GOLIM4: variants seen among roughly 807,000 people sequenced by gnomAD.
GOLIM4 encodes the protein golgi integral membrane protein 4, also known as 130 kDa golgi-localized phosphoprotein.
Under a neutral mutation model 107.4 loss-of-function variants are expected in GOLIM4, and 71 were observed. The ratio of observed to expected loss-of-function variants is 0.66; its 90% CI spans 0.55 to 0.81. The LOEUF (loss-of-function observed/expected upper bound fraction) is 0.81, where lower values mean the gene tolerates loss of function less well. Ranked by LOEUF, GOLIM4 falls within the 30% of genes least tolerant of loss-of-function variation. The probability of loss-of-function intolerance (pLI) is 0.00; values close to 1 mark genes in which losing one functional copy is unlikely to be tolerated. For missense variants in GOLIM4, 830 were observed against 826.1 expected (o/e 1.00, Z -0.06); for synonymous variants, 327 against 294.8 (o/e 1.11, Z -1.12).
intron 1 of GOLIM4, among the ~76,000 whole-genome samples, chr3:168,083,113 C>T (rs1046146467): frequency 2.6e-5 from 4 of 152,100 alleles, no homozygotes; most frequent in Admixed American, 6.6e-5. Flanking sequence ...CTTTTCATAA[C>T]GTATTCTTAT....
chr3:168,072,796 CAAAT>C (rs1363549458), intron 1 of GOLIM4, among the ~76,000 whole-genome samples: 2 of 151,916 alleles, frequency 1.3e-5, no homozygotes, highest in Non-Finnish European at 2.9e-5. Flanking sequence ...CTAACAACAG[CAAAT>C]AATACTATAA....
At chr3:168,057,047 G>T (rs1720011815) in intron 1 of GOLIM4, among the ~76,000 whole-genome samples, 1 of 152,146 alleles carries the variant, frequency 6.6e-6, no homozygotes, top group Non-Finnish European at 1.5e-5. Flanking sequence ...GTTGAGGGGG[G>T]GACCCGGTGG....
At chr3:168,015,877 T>C (rs1717335881) in intron 14 of GOLIM4, among the ~76,000 whole-genome samples, 1 of 133,216 alleles carries the variant, frequency 7.5e-6, no homozygotes, top group East Asian at 2.0e-4. Flanking sequence ...TTACACCTTA[T>C]ACAAAAATCA....
Position 168,032,603 on chromosome 3 carries a change from G to A in GOLIM4, c.1093C>T (p.Pro365Ser), listed in dbSNP as rs1344331029. The change falls in exon 9 of 16, where the codon CCA becomes TCA. Residue 365 changes from proline to serine, a missense_variant. Physicochemically the swap from Pro to Ser is moderately conservative, Grantham distance 74. Coordinates refer to ENST00000470487, the MANE Select transcript of GOLIM4 (RefSeq NM_014498.5). ...TTCCACTCCCGATCCTGCTCCTCTG[G>A]TGATGGATCGTGTTCCTCCTCAAGA... ...EHLEEEHDPSPEEQDREWKEQ... is the reference protein window; with the variant it reads ...EHLEEEHDPSSEEQDREWKEQ... 3.1e-6 allele frequency: 5 copies of A among 1,613,904 alleles called. No homozygotes were observed. The highest frequency in any genetic ancestry group is 2.2e-5 in the East Asian group (1 of 44,862).
At position 168,077,132 on chromosome 3, in the gene GOLIM4, CTTT is replaced by C. The variant is rs1390445232; in HGVS notation, c.187+17964_187+17966del. 2.6e-5 allele frequency among the ~76,000 whole-genome samples: 4 copies of C among 152,274 alleles called. No homozygotes were observed. In the East Asian group the frequency reaches 5.8e-4, roughly 22 times the overall value. On this transcript the variant is annotated intron_variant, in intron 1 of 15. Transcript: ENST00000470487. ...ATTCTTCAAATAAGGAAGTTTTCTT[CTTT>C]TATTTCACACTGTACCTATTTTGAA...
intron 1 of GOLIM4, among the ~76,000 whole-genome samples, chr3:168,049,753 C>G (rs1389031155): frequency 1.3e-5 from 2 of 152,150 alleles, no homozygotes; most frequent in African/African-American, 2.4e-5. Context: ...TTCCCTGCCT[C>G]TCTTCTTGCC....
chr3:168,092,488 T>G (rs1418607428), intron 1 of GOLIM4, among the ~76,000 whole-genome samples: 3 of 152,200 alleles, frequency 2.0e-5, no homozygotes, highest in African/African-American at 7.2e-5. Flanking sequence ...ATTCTTAAAC[T>G]GAAGGTGACC....
Position 168,032,855 on chromosome 3 carries a change from A to G in GOLIM4, c.844-3T>C. 1 of 1,601,360 alleles carries G rather than the reference A, an allele frequency of 6.2e-7. No individual in the cohort carries two copies. Among genetic ancestry groups the G allele is most frequent in the Non-Finnish European group, 8.5e-7 (1 of 1,170,638 alleles). On this transcript the variant is annotated splice_polypyrimidine_tract_variant and splice_region_variant and intron_variant, in intron 8 of 15. Transcript: ENST00000470487. ...CACACATCATTATTTCGAGACACCT[A>G]GGCCAAGCACATCACTGGGAATGAC...
chr3:168,048,475 A>T, intron 1 of GOLIM4, 110 bp from the exon 2 acceptor site: 1 of 612,520 alleles, frequency 1.6e-6, no homozygotes, highest in Non-Finnish European at 2.9e-6. Flanking sequence ...TACACAATTT[A>T]AATAAAAACA....
intron 10 of GOLIM4, 46 bp from the exon 11 acceptor site, chr3:168,029,348 A>G: frequency 8.2e-7 from 1 of 1,226,258 alleles, no homozygotes; most frequent in South Asian, 1.3e-5. Context: ...CAAAATTCAG[A>G]GGCACAGTTT....
intron 1 of GOLIM4, among the ~76,000 whole-genome samples, chr3:168,073,710 T>G: frequency 6.6e-6 from 1 of 152,208 alleles, no homozygotes; most frequent in East Asian, 1.9e-4. Context: ...ACTATTATCA[T>G]TTTTCTGCTT....
chr3:168,083,335 C>G (rs753883624), intron 1 of GOLIM4, among the ~76,000 whole-genome samples: 8 of 152,140 alleles, frequency 5.3e-5, no homozygotes. Flanking sequence ...TCTATAAAGT[C>G]AAAAGAACAT....
At chr3:168,079,638 C>T (rs562372729) in intron 1 of GOLIM4, among the ~76,000 whole-genome samples, 1 of 151,780 alleles carries the variant, frequency 6.6e-6, no homozygotes, top group African/African-American at 2.4e-5. Context: ...ATACACATGC[C>T]CAATACTTTG....
In GOLIM4 at chr3:168,041,230, A is replaced by T. The variant is rs182788479; in HGVS notation, c.600+162T>A. The T allele has an allele frequency of 3.9e-5, 22 of 558,886 alleles. No individual in the cohort carries two copies. The East Asian group carries it at 6.0e-4, about 15-fold the overall frequency. 34.6% of individuals were successfully genotyped at this position (558,886 alleles called of 1,614,324 possible). On this transcript the variant is annotated intron_variant, in intron 6 of 15. Coordinates refer to ENST00000470487, the MANE Select transcript of GOLIM4 (RefSeq NM_014498.5). ...TTTTCAGACCATCTTTTAGCTTACA[A>T]TGCTGAAGTGGTAAAAATATTAGGT...
intron 1 of GOLIM4, among the ~76,000 whole-genome samples, chr3:168,067,862 C>T (rs1269192883): frequency 2.6e-5 from 4 of 151,842 alleles, no homozygotes; most frequent in African/African-American, 7.3e-5. Context: ...AGAACAACAA[C>T]CCTGTATTAT....
chr3:168,026,675 T>G (rs1718011379), intron 12 of GOLIM4, among the ~76,000 whole-genome samples: 1 of 152,232 alleles, frequency 6.6e-6, no homozygotes, highest in African/African-American at 2.4e-5. Flanking sequence ...TGCTCTCTCC[T>G]GGATAGTCTC....
rs201919414 is a variant in GOLIM4 at position 168,018,983 on chromosome 3, C to CA, written c.1860+5542dup. 2.5e-3 allele frequency among the ~76,000 whole-genome samples: 300 copies of CA among 120,740 alleles called. 1 individual carries two copies. Among genetic ancestry groups the CA allele is most frequent in the South Asian group, 5.9e-3 (21 of 3,566 alleles). 79.2% of individuals were successfully genotyped at this position (120,740 alleles called of 152,430 possible). ...TACAACTTGACCACTCTATGTAGCA[C>CA]AAAAAAAAAAAAAGAAAACAAAAAA... On this transcript the variant is annotated intron_variant, in intron 14 of 15. Transcript: ENST00000470487.
chr3:168,077,038 A>G (rs534402314), intron 1 of GOLIM4, among the ~76,000 whole-genome samples: 1 of 152,334 alleles, frequency 6.6e-6, no homozygotes, highest in East Asian at 1.9e-4. Context: ...CCCTCCGCCT[A>G]AAAGTACACA....
chr3:168,043,074 T>C (rs1166045834), intron 5 of GOLIM4, among the ~76,000 whole-genome samples: 2 of 152,192 alleles, frequency 1.3e-5, no homozygotes, highest in Non-Finnish European at 2.9e-5. Context: ...GGATCAGAGA[T>C]GCTATCTGTC....
Sources: allele counts gnomAD v4.1 joint callset (sites outside exome capture counted in the v4.1 genomes callset), GRCh38; gene constraint gnomAD v4.1.1; transcripts MANE v1.5; gene names NCBI Gene and HGNC (gene_info 2026-07-23, HGNC 2026-07-21).